Variants in TUBD1 observed in about 807,000 individuals in gnomAD.
TUBD1 encodes tubulin delta 1, also known as tubulin delta chain.
In TUBD1, 38 loss-of-function variants were observed where a neutral mutation model predicts 51.2. That is an observed-to-expected ratio of 0.74 (90% CI 0.57 to 0.97). The LOEUF is 0.97. Among genes scored for constraint, TUBD1 ranks in the 50% least tolerant of loss-of-function variants. The pLI is 0.00. For missense variants in TUBD1, 489 were observed against 538.4 expected (o/e 0.91, Z 0.91); for synonymous variants, 169 against 178.2 (o/e 0.95, Z 0.41).
intron 8 of TUBD1, among the ~76,000 whole-genome samples, chr17:59,862,714 ATTTTTTTTTT>A (rs71145582): frequency 2.3e-4 from 13 of 56,986 alleles, no homozygotes; most frequent in Admixed American, 4.6e-4. Flanking sequence ...TAATTTTTGT[ATTTTTTTTTT>A]TTTTTTTTTT....
chr17:59,885,543 C>T, intron 3 of TUBD1: 1 of 1,491,012 alleles, frequency 6.7e-7, no homozygotes, highest in Non-Finnish European at 9.3e-7. Flanking sequence ...CGGTGGTTCA[C>T]TACTAGATCT....
chr17:59,886,424 C>T, intron 2 of TUBD1, 194 bp from the exon 3 acceptor site: 1 of 561,168 alleles, frequency 1.8e-6, no homozygotes, highest in East Asian at 3.2e-5. Flanking sequence ...GTTCACCAAG[C>T]CCAGCATTTG....
At chr17:59,867,973 A>T (rs1036779811) in intron 6 of TUBD1, among the ~76,000 whole-genome samples, 7 of 151,692 alleles carry the variant, frequency 4.6e-5, no homozygotes, top group Non-Finnish European at 1.0e-4. Context: ...AAAAGGTGTT[A>T]ACTTCAAGGC....
rs182412463 is a variant in TUBD1 at position 59,885,014 on chromosome 17, G to A, written c.320+1069C>T. 10 of 293,222 alleles carry A rather than the reference G, an allele frequency of 3.4e-5. No homozygotes were observed. In the Admixed American group the frequency reaches 4.1e-4, roughly 12 times the overall value. The allele number at this position is 293,222 out of a possible 1,614,324, so 18.2% of individuals were successfully genotyped here. Reference sequence around the variant, plus strand: ...AGCAGAAGGGAAATGTGAAGGTGAAGATGGCAGTGGCCAGGGCCAGGGTCC... The same window carrying A: ...AGCAGAAGGGAAATGTGAAGGTGAAAATGGCAGTGGCCAGGGCCAGGGTCC... On this transcript the variant is annotated intron_variant, in intron 3 of 8. Coordinates refer to ENST00000325752, the MANE Select transcript of TUBD1 (RefSeq NM_016261.4).
chr17:59,867,449 T>C (rs1598509255), intron 6 of TUBD1, among the ~76,000 whole-genome samples: 1 of 152,140 alleles, frequency 6.6e-6, no homozygotes, highest in Admixed American at 6.6e-5. Flanking sequence ...GGCTCATGCC[T>C]GTAATCCCAG....
intron 4 of TUBD1, among the ~76,000 whole-genome samples, chr17:59,879,250 A>G (rs1436307114): frequency 6.8e-6 from 1 of 146,546 alleles, no homozygotes; most frequent in African/African-American, 2.5e-5. Flanking sequence ...CCTGGACAAC[A>G]AGAGCAAAAC....
intron 8 of TUBD1, among the ~76,000 whole-genome samples, chr17:59,860,688 G>A (rs1382053739): frequency 6.6e-6 from 1 of 151,744 alleles, no homozygotes; most frequent in Non-Finnish European, 1.5e-5. Flanking sequence ...CCAGGTTCAA[G>A]CGATTCGACT....
At chr17:59,890,574 A>G (rs2040953317) in intron 2 of TUBD1, among the ~76,000 whole-genome samples, 1 of 152,180 alleles carries the variant, frequency 6.6e-6, no homozygotes. Flanking sequence ...CTTAGATGAA[A>G]GGCAAAGAGA....
rs1000333130 is a variant in TUBD1, at chr17:59,874,639, A to C, written c.834T>G (p.Pro278=). The change falls in exon 6 of 9, where the codon CCT becomes CCG. Residue 278 remains proline, a synonymous_variant. Transcript: ENST00000325752. ...EFKMLSVRNI[P]HMSENSLAYT... ...ATGCCAATGAATTCTCAGACATGTGAGGAATGTTACGAACACTCAGCATCT... is the reference window on the plus strand; with the variant it reads ...ATGCCAATGAATTCTCAGACATGTGCGGAATGTTACGAACACTCAGCATCT... 9 of 1,613,756 alleles carry C rather than the reference A, an allele frequency of 5.6e-6. No homozygotes were observed. Among genetic ancestry groups the C allele is most frequent in the Non-Finnish European group, 7.6e-6 (9 of 1,179,942 alleles).
At chr17:59,867,780 A>C (rs2039775469) in intron 6 of TUBD1, among the ~76,000 whole-genome samples, 1 of 151,802 alleles carries the variant, frequency 6.6e-6, no homozygotes, top group African/African-American at 2.4e-5. Flanking sequence ...GGAGGGGAGG[A>C]GTGTACTGTG....
At chr17:59,875,429 G>C (rs1261446343) in intron 5 of TUBD1, among the ~76,000 whole-genome samples, 2 of 151,594 alleles carry the variant, frequency 1.3e-5, no homozygotes, top group African/African-American at 4.8e-5. Flanking sequence ...TATCTGGTTA[G>C]GTGATAATCA....
chr17:59,886,570 C>T (rs1049531526), intron 2 of TUBD1: 2 of 148,536 alleles, frequency 1.3e-5, no homozygotes, highest in Non-Finnish European at 2.6e-5. Flanking sequence ...GCGGAGGTTG[C>T]ACTGAGCCAA....
Position 59,874,658 on chromosome 17 carries a change from A to G in TUBD1, c.815T>C (p.Leu272Pro). The G allele has an allele frequency of 6.2e-7, 1 of 1,613,492 alleles. No homozygotes were observed. The highest frequency in any genetic ancestry group is 8.5e-7 in the Non-Finnish European group (1 of 1,179,882). ...HLVPHPEFKM[L>P]SVRNIPHMSE... Reference sequence around the variant, plus strand: ...CATGTGAGGAATGTTACGAACACTCAGCATCTTGAATTCAGGATGGGGAAC... The same window carrying G: ...CATGTGAGGAATGTTACGAACACTCGGCATCTTGAATTCAGGATGGGGAAC... Residue 272 changes from leucine to proline, a missense_variant, in exon 6 of 9, where the codon CTG (leucine) becomes CCG (proline). By Grantham distance (98) the Leu-to-Pro change is moderately conservative. Coordinates refer to ENST00000325752, the MANE Select transcript of TUBD1 (RefSeq NM_016261.4).
intron 7 of TUBD1, among the ~76,000 whole-genome samples, chr17:59,864,699 T>C (rs1201550254): frequency 2.0e-5 from 3 of 152,112 alleles, no homozygotes; most frequent in Admixed American, 6.6e-5. Flanking sequence ...GGTCTCACTA[T>C]GTTGCCCGAG....
chr17:59,868,901 C>G (rs2039846167), intron 6 of TUBD1, among the ~76,000 whole-genome samples: 1 of 151,608 alleles, frequency 6.6e-6, no homozygotes, highest in East Asian at 1.9e-4. Context: ...CACCTGTAGT[C>G]CTAGCTATAG....
intron 3 of TUBD1, among the ~76,000 whole-genome samples, chr17:59,883,455 A>G (rs2040579650): frequency 6.6e-6 from 1 of 151,932 alleles, no homozygotes; most frequent in Non-Finnish European, 1.5e-5. Context: ...TTTAGTAGAA[A>G]CAGGGTTTTA....
intron 5 of TUBD1, among the ~76,000 whole-genome samples, chr17:59,875,413 A>G (rs906255113): frequency 2.6e-5 from 4 of 151,820 alleles, no homozygotes; most frequent in Non-Finnish European, 4.4e-5. Flanking sequence ...AGATTTTTAC[A>G]TACCGTATCT....
At chr17:59,864,876 T>C (rs748825099) in intron 7 of TUBD1, among the ~76,000 whole-genome samples, 2 of 151,990 alleles carry the variant, frequency 1.3e-5, no homozygotes, top group African/African-American at 4.8e-5. Flanking sequence ...TTTTTGATAA[T>C]GGATCTCACT....
intron 5 of TUBD1, among the ~76,000 whole-genome samples, chr17:59,877,809 C>T (rs1200730546): frequency 6.6e-6 from 1 of 150,694 alleles, no homozygotes; most frequent in Non-Finnish European, 1.5e-5. Context: ...GACTTGCACA[C>T]TTTAAATGGG....
Sources: allele counts gnomAD v4.1 joint callset (sites outside exome capture counted in the v4.1 genomes callset), GRCh38; gene constraint gnomAD v4.1.1; transcripts MANE v1.5; gene names NCBI Gene and HGNC (gene_info 2026-07-23, HGNC 2026-07-21).